The following MRPS27 variants were observed in gnomAD, a reference collection of about 807,000 sequenced individuals.
MRPS27 encodes the protein small ribosomal subunit protein mS27.
MRPS27 carries 43 observed loss-of-function variants against 48.9 expected under a neutral mutation model. That is an observed-to-expected ratio of 0.88 (90% CI 0.69 to 1.13). The LOEUF (loss-of-function observed/expected upper bound fraction) is 1.13, where lower values mean the gene tolerates loss of function less well. Ranked by LOEUF, MRPS27 falls within the 50% of genes most tolerant of loss-of-function variation. The probability of loss-of-function intolerance (pLI) is 0.00; values close to 1 mark genes in which losing one functional copy is unlikely to be tolerated. For synonymous variants in MRPS27, 188 were observed against 171.9 expected (o/e 1.09, Z -0.73); for missense variants, 467 against 476.3 (o/e 0.98, Z 0.18).
At chr5:72,261,807 G>C (rs180739067) in intron 4 of MRPS27, among the ~76,000 whole-genome samples, 26 of 152,268 alleles carry the variant, frequency 1.7e-4, no homozygotes, top group Non-Finnish European at 3.2e-4. Context: ...ATTCCAGCAT[G>C]GCTGTAAGGC....
Position 72,232,571 on chromosome 5 carries a change from G to A in MRPS27, c.476-13C>T. 2 of 1,572,062 alleles carry A rather than the reference G, an allele frequency of 1.3e-6. No homozygotes were observed. The highest frequency in any genetic ancestry group is 1.4e-5 in the African/African-American group (1 of 73,420). ...ACAGATAAAGCATCTAGCAGAAGATGAAAGTAAAAAAGAGAGGAAATTAGT... is the reference window on the plus strand; with the variant it reads ...ACAGATAAAGCATCTAGCAGAAGATAAAAGTAAAAAAGAGAGGAAATTAGT... On this transcript the variant is annotated splice_polypyrimidine_tract_variant and intron_variant, in intron 6 of 10. Transcript: ENST00000261413.
intron 2 of MRPS27, among the ~76,000 whole-genome samples, chr5:72,313,152 C>G (rs1249575718): frequency 3.3e-5 from 5 of 152,108 alleles, no homozygotes; most frequent in Non-Finnish European, 7.4e-5. Context: ...TCAGAGCTCA[C>G]AGCCAACTCT....
At chr5:72,254,425 G>GA (rs1047234996) in intron 4 of MRPS27, among the ~76,000 whole-genome samples, 5 of 152,066 alleles carry the variant, frequency 3.3e-5, no homozygotes, top group Non-Finnish European at 5.9e-5. Context: ...GACCAAGGGA[G>GA]AAAAAAGACG....
At chr5:72,272,009 A>AT (rs1398731280) in intron 4 of MRPS27, among the ~76,000 whole-genome samples, 1 of 152,000 alleles carries the variant, frequency 6.6e-6, no homozygotes, top group African/African-American at 2.4e-5. Context: ...TAGTTTTTAC[A>AT]TTTTTCCCCT....
intron 2 of MRPS27, among the ~76,000 whole-genome samples, chr5:72,308,604 T>A (rs1394705387): frequency 3.9e-5 from 6 of 152,124 alleles, no homozygotes; most frequent in Non-Finnish European, 5.9e-5. Context: ...TACTGTCCCA[T>A]CTCCAGAGCT....
At chr5:72,301,390 AG>A (rs1202034143) in intron 2 of MRPS27, among the ~76,000 whole-genome samples, 1 of 152,226 alleles carries the variant, frequency 6.6e-6, no homozygotes, top group Admixed American at 6.5e-5. Flanking sequence ...CTCTCATAAT[AG>A]CAAATCTTTT....
intron 1 of MRPS27, among the ~76,000 whole-genome samples, chr5:72,315,478 G>A (rs569918662): frequency 1.3e-5 from 2 of 151,282 alleles, no homozygotes; most frequent in Non-Finnish European, 2.9e-5. Flanking sequence ...AATCGACTGA[G>A]CCCGGGAGGC....
chr5:72,302,170 C>T (rs1750143494), intron 2 of MRPS27, among the ~76,000 whole-genome samples: 1 of 152,114 alleles, frequency 6.6e-6, no homozygotes, highest in African/African-American at 2.4e-5. Flanking sequence ...ACTAAAAATG[C>T]CCTTCCCATT....
At chr5:72,272,251 G>A (rs1356766571) in intron 4 of MRPS27, among the ~76,000 whole-genome samples, 2 of 152,204 alleles carry the variant, frequency 1.3e-5, no homozygotes, top group African/African-American at 4.8e-5. Context: ...GCCTGATACT[G>A]TTATCCTTAG....
At chr5:72,297,729 C>T (rs756726140) in intron 2 of MRPS27, 27 bp from the exon 3 acceptor site, 2 of 1,465,086 alleles carry the variant, frequency 1.4e-6, no homozygotes, top group South Asian at 2.7e-5. Flanking sequence ...AGAAAAAAAA[C>T]CTTGTTAAAG....
chr5:72,276,000 A>G (rs1252086859), intron 4 of MRPS27, among the ~76,000 whole-genome samples: 29 of 150,840 alleles, frequency 1.9e-4, no homozygotes, highest in Non-Finnish European at 1.0e-4. Context: ...AAAGGAAAAA[A>G]GGAGAAAAAA....
intron 1 of MRPS27, among the ~76,000 whole-genome samples, chr5:72,318,342 C>T (rs1397227902): frequency 2.0e-5 from 3 of 152,234 alleles, no homozygotes; most frequent in Non-Finnish European, 4.4e-5. Flanking sequence ...ACTGTACTCC[C>T]GCATACCAGC....
chr5:72,296,912 A>G (rs2112064193), intron 3 of MRPS27, among the ~76,000 whole-genome samples: 1 of 152,330 alleles, frequency 6.6e-6, no homozygotes, highest in African/African-American at 2.4e-5. Flanking sequence ...GAGAAAATTG[A>G]GAGGGATCTC....
chr5:72,254,900 T>C (rs1748756982), intron 4 of MRPS27, among the ~76,000 whole-genome samples: 1 of 152,210 alleles, frequency 6.6e-6, no homozygotes, highest in Non-Finnish European at 1.5e-5. Flanking sequence ...TGGTTACCAC[T>C]GTTCTTTTCT....
At chr5:72,293,347 G>C (rs1018816377) in intron 4 of MRPS27, among the ~76,000 whole-genome samples, 1 of 151,634 alleles carries the variant, frequency 6.6e-6, no homozygotes, top group Non-Finnish European at 1.5e-5. Flanking sequence ...TAATGGAAGG[G>C]AGGAGAAAGA....
rs372049851 is a variant in MRPS27 at position 72,225,342 on chromosome 5, T to C, written c.837+715A>G. On this transcript the variant is annotated intron_variant, in intron 9 of 10. Coordinates refer to ENST00000261413, the MANE Select transcript of MRPS27 (RefSeq NM_015084.3). ...AAATATGTGGCTCTACGGTGACCTT[T>C]AAGCCATGGTAACAAGACAACCAAT... 5.8e-4 allele frequency among the ~76,000 whole-genome samples: 89 copies of C among 152,292 alleles called. 1 individual carries two copies. The South Asian group carries it at 0.016, about 27-fold the overall frequency.
chr5:72,279,750 TTGTTA>T (rs148517717), intron 4 of MRPS27, among the ~76,000 whole-genome samples: 2,334 of 152,308 alleles, frequency 0.015, 65 homozygotes, highest in African/African-American at 0.051. Flanking sequence ...TATCAATCTT[TTGTTA>T]TGTTTTTTGT....
At position 72,266,933 on chromosome 5, in the gene MRPS27, A is replaced by G. The variant is rs1238248299; in HGVS notation, c.281+28598T>C. On this transcript the variant is annotated intron_variant, in intron 4 of 10. Transcript: ENST00000261413. Reference sequence around the variant, plus strand: ...TGAATCTTTTCTCACAGTAGAAAATATGCTGAATTTTATGGCTGCAGAGTC... The same window carrying G: ...TGAATCTTTTCTCACAGTAGAAAATGTGCTGAATTTTATGGCTGCAGAGTC... 2.6e-5 allele frequency among the ~76,000 whole-genome samples: 4 copies of G among 152,154 alleles called. No homozygotes were observed. In the East Asian group the frequency reaches 7.7e-4, roughly 29 times the overall value.
chr5:72,312,209 A>G (rs1750458056), intron 2 of MRPS27, among the ~76,000 whole-genome samples: 1 of 152,206 alleles, frequency 6.6e-6, no homozygotes, highest in Non-Finnish European at 1.5e-5. Context: ...GTCATTTGTG[A>G]CATAATTATA....
Sources: allele counts gnomAD v4.1 joint callset (sites outside exome capture counted in the v4.1 genomes callset), GRCh38; gene constraint gnomAD v4.1.1; transcripts MANE v1.5; gene names NCBI Gene and HGNC (gene_info 2026-07-23, HGNC 2026-07-21).